ASIC2: variants seen among roughly 807,000 people sequenced by gnomAD.
The protein encoded by ASIC2 is acid-sensing ion channel 2.
ASIC2 carries 25 observed loss-of-function variants against 57.3 expected under a neutral mutation model. The observed-to-expected ratio is 0.44, with a 90% CI of 0.32 to 0.61. ASIC2 has a LOEUF of 0.61. Ranked by LOEUF, ASIC2 falls within the 20% of genes least tolerant of loss-of-function variation. ASIC2 has a pLI of 0.06. For missense variants in ASIC2, 641 were observed against 738.1 expected, an observed-to-expected ratio of 0.87 and a Z score of 1.52; for synonymous variants, 319 against 307.5, an observed-to-expected ratio of 1.04 and a Z score of -0.39.
intron 1 of ASIC2, among the ~76,000 whole-genome samples, chr17:33,398,342 C>T (rs1413251540): frequency 6.6e-6 from 1 of 152,100 alleles, no homozygotes; most frequent in African/African-American, 2.4e-5. Flanking sequence ...CGGGTTAACA[C>T]AATGTAAGTT....
intron 1 of ASIC2, among the ~76,000 whole-genome samples, chr17:33,714,376 G>A (rs929409253): frequency 3.3e-5 from 5 of 152,132 alleles, no homozygotes; most frequent in African/African-American, 9.7e-5. Flanking sequence ...TAGTGGAATG[G>A]CTAACTAAAT....
At chr17:33,448,047 CATAATAAAAT>C in intron 1 of ASIC2, among the ~76,000 whole-genome samples, 1 of 122,386 alleles carries the variant, frequency 8.2e-6, no homozygotes, top group Admixed American at 8.4e-5. Context: ...CATCTTTATG[CATAATAAAAT>C]AAAATAAAAT....
At chr17:33,618,656 C>G (rs1215319365) in intron 1 of ASIC2, among the ~76,000 whole-genome samples, 5 of 152,186 alleles carry the variant, frequency 3.3e-5, no homozygotes, top group African/African-American at 1.2e-4. Context: ...GTTCCCTCAT[C>G]TTTCATGGGT....
chr17:33,413,225 C>G (rs540740527), intron 1 of ASIC2, among the ~76,000 whole-genome samples: 1 of 152,132 alleles, frequency 6.6e-6, no homozygotes, highest in African/African-American at 2.4e-5. Context: ...TGTTCTCATC[C>G]GAGACTTGAA....
intron 1 of ASIC2, among the ~76,000 whole-genome samples, chr17:33,268,832 A>G (rs950267024): frequency 3.9e-5 from 6 of 152,174 alleles, no homozygotes; most frequent in South Asian, 4.1e-4. Flanking sequence ...CCTAGTTCAC[A>G]TCTACTAAAT....
At chr17:33,302,272 C>A (rs1261756796) in intron 1 of ASIC2, among the ~76,000 whole-genome samples, 1 of 152,188 alleles carries the variant, frequency 6.6e-6, no homozygotes, top group African/African-American at 2.4e-5. Context: ...AGCGTAATAA[C>A]CTTCTCCAGC....
intron 1 of ASIC2, among the ~76,000 whole-genome samples, chr17:33,256,058 T>C (rs934779612): frequency 2.6e-5 from 4 of 152,196 alleles, no homozygotes; most frequent in Admixed American, 6.5e-5. Context: ...TATACCAGAC[T>C]AATTACCATG....
intron 1 of ASIC2, among the ~76,000 whole-genome samples, chr17:33,742,194 C>G (rs865890381): frequency 5.1e-4 from 77 of 152,296 alleles, no homozygotes; most frequent in African/African-American, 1.8e-3. Flanking sequence ...ATCTACTGTA[C>G]TTGCATAGAC....
At chr17:33,749,869 G>A (rs1597860872) in intron 1 of ASIC2, among the ~76,000 whole-genome samples, 1 of 152,110 alleles carries the variant, frequency 6.6e-6, no homozygotes, top group African/African-American at 2.4e-5. Context: ...GCCCAGCTTT[G>A]TGTGCCTTGA....
intron 1 of ASIC2, among the ~76,000 whole-genome samples, chr17:33,465,877 A>G (rs1223392129): frequency 1.3e-5 from 2 of 152,160 alleles, no homozygotes; most frequent in African/African-American, 2.4e-5. Context: ...GTTCTCTACC[A>G]GAGTATTTTT....
At position 33,642,591 on chromosome 17, in the gene ASIC2, T is replaced by C. The variant is rs1236379627; in HGVS notation, c.555+513387A>G. On this transcript the variant is annotated intron_variant, in intron 1 of 9. Transcript: ENST00000359872. ...ACCCCAAACCCTAAAGACTTTATAC[T>C]CTCACTGTCCGTCCATCAACCTTCT... Among the ~76,000 whole-genome samples the C allele has an allele frequency of 2.0e-5, 3 of 152,208 alleles. No individual in the cohort carries two copies. The East Asian group carries it at 5.8e-4, about 29-fold the overall frequency.
At chr17:33,819,859 C>A (rs539784550) in intron 1 of ASIC2, among the ~76,000 whole-genome samples, 3 of 152,190 alleles carry the variant, frequency 2.0e-5, no homozygotes, top group Non-Finnish European at 2.9e-5. Context: ...ATTCTTAATT[C>A]GGTTCTGCAG....
chr17:33,769,569 C>T (rs1254164345), intron 1 of ASIC2, among the ~76,000 whole-genome samples: 2 of 152,194 alleles, frequency 1.3e-5, no homozygotes, highest in South Asian at 2.1e-4. Context: ...GGCAGAACAC[C>T]TTTATTTATG....
At chr17:33,867,660 G>A (rs1476581522) in intron 1 of ASIC2, among the ~76,000 whole-genome samples, 1 of 152,238 alleles carries the variant, frequency 6.6e-6, no homozygotes, top group African/African-American at 2.4e-5. Flanking sequence ...CTACTGGGGA[G>A]ATTTCTCTCC....
chr17:33,787,262 C>T (rs910057010), intron 1 of ASIC2, among the ~76,000 whole-genome samples: 31 of 152,234 alleles, frequency 2.0e-4, no homozygotes, highest in African/African-American at 7.0e-4. Context: ...AGAGCTATTA[C>T]TACCTTTTTG....
Position 33,693,223 on chromosome 17 carries a change from T to C in ASIC2, c.555+462755A>G, listed in dbSNP as rs529597387. Among the ~76,000 whole-genome samples, 18 of 151,434 alleles carry C rather than the reference T, an allele frequency of 1.2e-4. No homozygotes were observed. The East Asian group carries it at 2.5e-3, about 21-fold the overall frequency. ...CTTTTAAAAATATCCTAACATTATATATTCTAAAGTTCAGCTCATCTTGTT... is the reference window on the plus strand; with the variant it reads ...CTTTTAAAAATATCCTAACATTATACATTCTAAAGTTCAGCTCATCTTGTT... On this transcript the variant is annotated intron_variant, in intron 1 of 9. Coordinates refer to the ASIC2 transcript ENST00000359872.
intron 1 of ASIC2, among the ~76,000 whole-genome samples, chr17:33,789,573 C>T (rs894852242): frequency 6.6e-6 from 1 of 151,844 alleles, no homozygotes; most frequent in Non-Finnish European, 1.5e-5. Flanking sequence ...CTTGGAAAAC[C>T]CTAGCACTGA....
intron 1 of ASIC2, among the ~76,000 whole-genome samples, chr17:34,044,226 TA>T (rs554085479): frequency 1.8e-4 from 27 of 151,950 alleles, no homozygotes; most frequent in Non-Finnish European, 3.7e-4. Context: ...GATGCCCAGG[TA>T]GAAGCTAAGT....
At chr17:34,046,836 G>T (rs1189064120) in intron 1 of ASIC2, among the ~76,000 whole-genome samples, 1 of 152,114 alleles carries the variant, frequency 6.6e-6, no homozygotes, top group Non-Finnish European at 1.5e-5. Context: ...GGCCTGGGGG[G>T]TAGGCTTCCC....
Sources: gnomAD v4.1 joint callset for allele counts (sites outside exome capture counted in the v4.1 genomes callset) on GRCh38, gnomAD v4.1.1 for gene constraint, MANE v1.5 for transcripts, NCBI Gene and HGNC (gene_info 2026-07-23, HGNC 2026-07-21) for gene names.